The following DIP2C variants were observed in gnomAD, a reference collection of about 807,000 sequenced individuals.
The protein encoded by DIP2C is disco-interacting protein 2 homolog C.
A neutral mutation model predicts 192.4 loss-of-function variants in DIP2C; 33 were observed. The observed-to-expected ratio is 0.17, with a 90% CI of 0.13 to 0.23. The LOEUF is 0.23. Among genes scored for constraint, DIP2C ranks in the 10% least tolerant of loss-of-function variants. DIP2C has a pLI of 1.00. For synonymous variants in DIP2C, 979 were observed against 864.1 expected, an observed-to-expected ratio of 1.13 and a Z score of -2.33; for missense variants, 1,537 against 2,110.1, an observed-to-expected ratio of 0.73 and a Z score of 5.32.
At chr10:648,688 C>T (rs959144204) in intron 1 of DIP2C, among the ~76,000 whole-genome samples, 25 of 149,750 alleles carry the variant, frequency 1.7e-4, no homozygotes, top group Non-Finnish European at 2.8e-4. Flanking sequence ...ACTGAGTCCA[C>T]GTCCACATTG....
intron 36 of DIP2C, among the ~76,000 whole-genome samples, chr10:278,628 CA>C (rs1954651018): frequency 1.3e-5 from 2 of 152,226 alleles, no homozygotes; most frequent in Non-Finnish European, 1.5e-5. Flanking sequence ...GCCATACAGC[CA>C]TGGCTAACCC....
chr10:534,832 G>A (rs796111050), intron 1 of DIP2C, among the ~76,000 whole-genome samples: 24 of 151,672 alleles, frequency 1.6e-4, no homozygotes, highest in African/African-American at 5.1e-4. Context: ...GCCTGCCACC[G>A]CGCCCGGCTA....
In DIP2C at chr10:347,458, G is replaced by A. The variant is rs556417354; in HGVS notation, c.3231+1183C>T. Among the ~76,000 whole-genome samples, 11 of 125,388 alleles carry A rather than the reference G, an allele frequency of 8.8e-5. 2 individuals carry two copies. The highest frequency in any genetic ancestry group is 3.2e-4 in the African/African-American group (10 of 31,148). 82.3% of individuals were successfully genotyped at this position (125,388 alleles called of 152,430 possible). A position where few individuals can be genotyped will look rare whatever the true frequency, so the allele number is the denominator to read the frequency against. ...CGTCACACGCACCCAGACACATCGC[G>A]CATAGTTCTCCCGGAAACCCCACAC... On this transcript the variant is annotated intron_variant, in intron 26 of 36. Coordinates refer to ENST00000280886, the MANE Select transcript of DIP2C (RefSeq NM_014974.3).
At chr10:654,272 T>C (rs1487639373) in intron 1 of DIP2C, among the ~76,000 whole-genome samples, 1 of 152,192 alleles carries the variant, frequency 6.6e-6, no homozygotes, top group East Asian at 1.9e-4. Context: ...TCAAGGTTTC[T>C]CAGAAGAGAC....
chr10:572,010 C>T (rs1416935889), intron 1 of DIP2C, among the ~76,000 whole-genome samples: 1 of 152,218 alleles, frequency 6.6e-6, no homozygotes, highest in Non-Finnish European at 1.5e-5. Context: ...ATCTAAGCAA[C>T]ATTATAATAA....
At chr10:373,547 G>A (rs903962031) in intron 17 of DIP2C, among the ~76,000 whole-genome samples, 2 of 152,114 alleles carry the variant, frequency 1.3e-5, no homozygotes, top group African/African-American at 4.8e-5. Context: ...AACATGTCTG[G>A]GGTCCACGGT....
At chr10:424,231 T>C (rs894289678) in intron 4 of DIP2C, among the ~76,000 whole-genome samples, 40 of 152,094 alleles carry the variant, frequency 2.6e-4, no homozygotes, top group Non-Finnish European at 1.5e-4. Flanking sequence ...AAGATAATAA[T>C]TGCAAACAAT....
chr10:378,508 GAC>G (rs536398356), intron 17 of DIP2C, among the ~76,000 whole-genome samples: 10 of 151,268 alleles, frequency 6.6e-5, no homozygotes, highest in Non-Finnish European at 1.0e-4. Flanking sequence ...CATGCATAAA[GAC>G]ACGTGAACAC....
At position 357,905 on chromosome 10, in the gene DIP2C, G is replaced by A; in HGVS notation, c.2827C>T (p.Leu943=). Residue 943 remains leucine (L), a synonymous_variant, in exon 23 of 37, where the codon CTG becomes TTG. Transcript: ENST00000280886. ...TGGGCGATTCTCTTCCCAGAGACCAGGTTCCCCACCATCACAGAGGCAGGG... is the reference window on the plus strand; with the variant it reads ...TGGGCGATTCTCTTCCCAGAGACCAAGTTCCCCACCATCACAGAGGCAGGG... The part of the protein sequence containing the change: ...IGPASVMVGN[L]VSGKRIAQAS... 6.2e-7 allele frequency: 1 copy of A among 1,612,686 alleles called. No individual in the cohort carries two copies. Among genetic ancestry groups the A allele is most frequent in the Non-Finnish European group, 8.5e-7 (1 of 1,179,862 alleles).
At chr10:438,036 A>G (rs1300715807) in intron 4 of DIP2C, 12 of 152,260 alleles carry the variant, frequency 7.9e-5, no homozygotes, top group Non-Finnish European at 1.8e-4. Flanking sequence ...ATGATTGTAC[A>G]AAACTACCCC....
At chr10:383,972 A>C in intron 16 of DIP2C, 55 bp downstream of exon 16, 3 of 1,424,350 alleles carry the variant, frequency 2.1e-6, no homozygotes, top group Non-Finnish European at 2.7e-6. Context: ...CGAAAAAAAA[A>C]AAAAAAAGAC....
At chr10:285,766 A>G (rs1955085362) in intron 34 of DIP2C, among the ~76,000 whole-genome samples, 1 of 152,258 alleles carries the variant, frequency 6.6e-6, no homozygotes, top group Non-Finnish European at 1.5e-5. Context: ...CAGGGAGTTA[A>G]GAGCCAGCCA....
chr10:433,259 G>C (rs955472759), intron 4 of DIP2C, among the ~76,000 whole-genome samples: 2 of 152,192 alleles, frequency 1.3e-5, no homozygotes, highest in African/African-American at 4.8e-5. Context: ...TTGGCATTTT[G>C]ATGCTTTCTT....
chr10:674,332 AT>A (rs1164572319), intron 1 of DIP2C, among the ~76,000 whole-genome samples: 1 of 152,230 alleles, frequency 6.6e-6, no homozygotes, highest in Non-Finnish European at 1.5e-5. Flanking sequence ...ATTAATCACA[AT>A]TTAAGTTAAA....
intron 1 of DIP2C, among the ~76,000 whole-genome samples, chr10:596,270 G>A (rs910467177): frequency 2.0e-5 from 3 of 152,046 alleles, no homozygotes; most frequent in African/African-American, 7.2e-5. Context: ...AGCACGTTGG[G>A]TGGCCAAGGT....
chr10:339,613 G>A (rs1339577764), intron 29 of DIP2C, among the ~76,000 whole-genome samples: 1 of 152,116 alleles, frequency 6.6e-6, no homozygotes, highest in Non-Finnish European at 1.5e-5. Flanking sequence ...ACCCTACAAG[G>A]GCCGTTGTTC....
chr10:679,316 G>A (rs564875880), intron 1 of DIP2C, among the ~76,000 whole-genome samples: 2 of 2,350 alleles, frequency 8.5e-4, no homozygotes, highest in African/African-American at 1.2e-3. Flanking sequence ...CAGGCTCCCC[G>A]CACCCATCCT....
chr10:441,078 C>G (rs1967690274), intron 3 of DIP2C, 82 bp from the exon 4 acceptor site: 2 of 1,475,154 alleles, frequency 1.4e-6, no homozygotes, highest in African/African-American at 2.8e-5. Context: ...GTCCCTGCAG[C>G]ACAGTTCATC....
At chr10:607,327 A>C (rs1852565196) in intron 1 of DIP2C, among the ~76,000 whole-genome samples, 1 of 149,200 alleles carries the variant, frequency 6.7e-6, no homozygotes. Context: ...CTGATAACCC[A>C]CTGGGCTAAG....
Sources: allele counts gnomAD v4.1 joint callset (sites outside exome capture counted in the v4.1 genomes callset), GRCh38; gene constraint gnomAD v4.1.1; transcripts MANE v1.5; gene names NCBI Gene and HGNC (gene_info 2026-07-23, HGNC 2026-07-21).